MACROD2: variants seen among roughly 807,000 people sequenced by gnomAD.
MACROD2 encodes ADP-ribose glycohydrolase MACROD2.
A neutral mutation model predicts 70.4 loss-of-function variants in MACROD2; 36 were observed. That is an observed-to-expected ratio of 0.51 (90% CI 0.39 to 0.68). The LOEUF is 0.68. MACROD2 is among the 30% of genes least tolerant of loss of function. The pLI is 0.00. For missense variants in MACROD2, 496 were observed against 538.4 expected, an observed-to-expected ratio of 0.92 and a Z score of 0.78; for synonymous variants, 172 against 178.8, an observed-to-expected ratio of 0.96 and a Z score of 0.30.
chr20:15,644,624 A>G (rs1294624587), intron 8 of MACROD2, among the ~76,000 whole-genome samples: 1 of 152,246 alleles, frequency 6.6e-6, no homozygotes, highest in Non-Finnish European at 1.5e-5. Flanking sequence ...AAGCAGCTAA[A>G]TGAGGTTAAG....
Position 15,032,599 on chromosome 20 carries a change from C to T in MACROD2, c.419-197341C>T, listed in dbSNP as rs116581313. ...GCTCAATAATTGGTCAATTTTTGAC[C>T]GTCACTCTAACCGGAAATGCACATT... On this transcript the variant is annotated intron_variant, in intron 5 of 17. Transcript: ENST00000684519. Among the ~76,000 whole-genome samples the T allele has an allele frequency of 7.1e-3, 1,088 of 152,272 alleles. 15 individuals are homozygous for T. The highest frequency in any genetic ancestry group is 0.024 in the African/African-American group (1,010 of 41,552).
chr20:14,477,619 T>C (rs2123062199), intron 3 of MACROD2, among the ~76,000 whole-genome samples: 1 of 152,296 alleles, frequency 6.6e-6, no homozygotes, highest in African/African-American at 2.4e-5. Flanking sequence ...TTTTATACTG[T>C]TTCATTTAAA....
At chr20:15,586,358 A>T (rs780473669) in intron 8 of MACROD2, among the ~76,000 whole-genome samples, 6 of 152,216 alleles carry the variant, frequency 3.9e-5, no homozygotes, top group Non-Finnish European at 8.8e-5. Flanking sequence ...TGCTGGTGTG[A>T]GCCTGCATTC....
At chr20:15,443,658 T>G (rs1478150390) in intron 7 of MACROD2, among the ~76,000 whole-genome samples, 1 of 152,176 alleles carries the variant, frequency 6.6e-6, no homozygotes, top group Non-Finnish European at 1.5e-5. Context: ...TGACTTAGCT[T>G]ATGAAACTGG....
At chr20:14,223,960 A>G (rs1382363581) in intron 3 of MACROD2, among the ~76,000 whole-genome samples, 1 of 152,158 alleles carries the variant, frequency 6.6e-6, no homozygotes, top group Non-Finnish European at 1.5e-5. Context: ...GACCTGAGAA[A>G]GAGTTGCAGT....
intron 3 of MACROD2, among the ~76,000 whole-genome samples, chr20:14,456,907 C>T (rs1348335601): frequency 6.6e-6 from 1 of 151,684 alleles, no homozygotes; most frequent in Non-Finnish European, 1.5e-5. Flanking sequence ...TTAGTAGAGA[C>T]GGGGTTTCAC....
At chr20:16,003,773 C>A (rs780792711) in intron 15 of MACROD2, among the ~76,000 whole-genome samples, 2 of 152,094 alleles carry the variant, frequency 1.3e-5, no homozygotes, top group African/African-American at 2.4e-5. Context: ...CAGGTTCAAG[C>A]GATTCTCCTG....
At chr20:15,685,238 T>A (rs899185157) in intron 8 of MACROD2, among the ~76,000 whole-genome samples, 2 of 152,148 alleles carry the variant, frequency 1.3e-5, no homozygotes, top group African/African-American at 4.8e-5. Context: ...AAACTCTAAA[T>A]CTATACCACG....
chr20:15,815,843 TTTGAG>T (rs1442862403), intron 8 of MACROD2, among the ~76,000 whole-genome samples: 1 of 152,044 alleles, frequency 6.6e-6, no homozygotes, highest in Non-Finnish European at 1.5e-5. Context: ...GTTAACAGGG[TTTGAG>T]TTTTTTTCCA....
intron 5 of MACROD2, among the ~76,000 whole-genome samples, chr20:14,909,941 A>C (rs1375227746): frequency 6.6e-6 from 1 of 152,134 alleles, no homozygotes; most frequent in East Asian, 1.9e-4. Flanking sequence ...AGCCTAGTAC[A>C]GTGACAGCTC....
At chr20:16,029,536 G>T (rs137882899) in intron 15 of MACROD2, among the ~76,000 whole-genome samples, 452 of 152,312 alleles carry the variant, frequency 3.0e-3, no homozygotes, top group Middle Eastern at 0.01. Flanking sequence ...TTAAACGAAA[G>T]AAAGGGTGGG....
intron 5 of MACROD2, among the ~76,000 whole-genome samples, chr20:15,167,021 TAGGGGAA>T (rs1488294810): frequency 6.6e-6 from 1 of 151,528 alleles, no homozygotes; most frequent in Non-Finnish European, 1.5e-5. Flanking sequence ...TATTTAAATT[TAGGGGAA>T]AAATACTAAA....
At chr20:15,111,346 T>C (rs1159956590) in intron 5 of MACROD2, among the ~76,000 whole-genome samples, 1 of 151,940 alleles carries the variant, frequency 6.6e-6, no homozygotes, top group African/African-American at 2.4e-5. Context: ...CTAATTGTTG[T>C]AGTTTTAGTA....
chr20:14,617,824 G>A (rs1169477380), intron 4 of MACROD2, among the ~76,000 whole-genome samples: 1 of 152,134 alleles, frequency 6.6e-6, no homozygotes, highest in Admixed American at 6.6e-5. Flanking sequence ...ATGTTAGAGA[G>A]CACCTTTTCC....
At chr20:15,071,133 C>T (rs2075616235) in intron 5 of MACROD2, among the ~76,000 whole-genome samples, 1 of 152,058 alleles carries the variant, frequency 6.6e-6, no homozygotes, top group Admixed American at 6.5e-5. Flanking sequence ...TTAAATACAA[C>T]AATTGTGGAA....
intron 5 of MACROD2, among the ~76,000 whole-genome samples, chr20:15,077,816 T>TG (rs1205019901): frequency 6.6e-6 from 1 of 152,140 alleles, no homozygotes; most frequent in East Asian, 1.9e-4. Context: ...GAATTTCAGA[T>TG]GGACACACTA....
chr20:15,234,033 T>A (rs2076989913), intron 6 of MACROD2, among the ~76,000 whole-genome samples: 1 of 38,208 alleles, frequency 2.6e-5, no homozygotes, highest in Non-Finnish European at 5.0e-5. Context: ...TTTTTTTTTT[T>A]TTTTTTTTTT....
chr20:15,443,097 A>G (rs2046517077), intron 7 of MACROD2, among the ~76,000 whole-genome samples: 1 of 152,194 alleles, frequency 6.6e-6, no homozygotes, highest in Admixed American at 6.6e-5. Flanking sequence ...ATTATTTATT[A>G]CATTCTAATT....
chr20:15,565,285 G>A (rs2048295773), intron 8 of MACROD2, among the ~76,000 whole-genome samples: 1 of 152,164 alleles, frequency 6.6e-6, no homozygotes, highest in African/African-American at 2.4e-5. Context: ...TATCTAAAGA[G>A]GTAAACACGC....
Sources: allele counts gnomAD v4.1 joint callset (sites outside exome capture counted in the v4.1 genomes callset), GRCh38; gene constraint gnomAD v4.1.1; transcripts MANE v1.5; gene names NCBI Gene and HGNC (gene_info 2026-07-23, HGNC 2026-07-21).